Variants in TNKS2 observed in about 807,000 individuals in gnomAD.
The protein encoded by TNKS2 is tankyrase 2.
A neutral mutation model predicts 137.6 loss-of-function variants in TNKS2; 72 were observed. The observed-to-expected ratio is 0.52, with a 90% CI of 0.43 to 0.64. The LOEUF is 0.64. Among genes scored for constraint, TNKS2 ranks in the 30% least tolerant of loss-of-function variants. The pLI is 0.00. For missense variants in TNKS2, 1,049 were observed against 1,410.2 expected (o/e 0.74, Z 4.10); for synonymous variants, 516 against 512.1 (o/e 1.01, Z -0.10).
At position 91,842,272 on chromosome 10, in the gene TNKS2, C is replaced by A; in HGVS notation, c.1940C>A (p.Ala647Glu). Residue 647 changes from alanine (A) to glutamate (E), a missense_variant, in exon 16 of 27, where the codon GCA (alanine) becomes GAA (glutamate). By Grantham distance (107) the Ala-to-Glu change is moderately radical. Around this residue, in one of 6 missense-constraint regions of TNKS2, gnomAD observed 328 missense variants for 436.0 expected, o/e 0.75. Coordinates refer to ENST00000371627, the MANE Select transcript of TNKS2 (RefSeq NM_025235.4). ...ATTCAAGATCTGCTTAGGGGAGATGCAGCTTTGCTAGATGCTGCCAAGAAG... is the reference window on the plus strand; with the variant it reads ...ATTCAAGATCTGCTTAGGGGAGATGAAGCTTTGCTAGATGCTGCCAAGAAG... ...TDIQDLLRGD[A>E]ALLDAAKKGC... 6.2e-7 allele frequency: 1 copy of A among 1,613,940 alleles called. No homozygotes were observed.
intron 2 of TNKS2, among the ~76,000 whole-genome samples, chr10:91,816,147 A>G (rs533059461): frequency 1.6e-3 from 245 of 151,888 alleles, no homozygotes; most frequent in African/African-American, 5.8e-3. Context: ...AGGGGGTTTC[A>G]CCATGTTAGC....
Position 91,842,330 on chromosome 10 carries a change from TC to T in TNKS2, c.2000del (p.Pro667LeufsTer4). The T allele has an allele frequency of 2.5e-6, 4 of 1,614,150 alleles. No homozygotes were observed. Among genetic ancestry groups the T allele is most frequent in the Non-Finnish European group, 3.4e-6 (4 of 1,179,994 alleles). On this transcript the variant is annotated frameshift_variant, in exon 16 of 27. Transcript: ENST00000371627. LOFTEE classifies it high-confidence loss of function. ...TAGCCAGAGTGAAGAAGTTGTCTTC[TC>T]CTGATAATGTAAATTGCCGCGATAC... The part of the protein sequence containing the change: ...CLARVKKLSS[P>X]DNVNCRDTQG...
chr10:91,840,702 A>T lies in TNKS2; in HGVS notation c.1669A>T (p.Lys557Ter). 6.2e-7 allele frequency: 1 copy of T among 1,612,802 alleles called. No homozygotes were observed. Among genetic ancestry groups the T allele is most frequent in the Non-Finnish European group, 8.5e-7 (1 of 1,179,464 alleles). ...QHGADVHAKDKGGLVPLHNAC... is the reference protein window; with the variant it reads ...QHGADVHAKD ...TGGAGCTGATGTGCATGCTAAAGAT[A>T]AAGGGTAAATGCCAATGATTGTTAT... is the stretch of plus-strand genomic sequence containing the variant. Residue 557 changes from lysine to a stop codon, truncating the protein, a stop_gained, in exon 14 of 27, where the codon AAA (lysine) becomes TAA (stop). Transcript: ENST00000371627. LOFTEE classifies it high-confidence loss of function.
At position 91,862,893 on chromosome 10, in the gene TNKS2, A is replaced by G. The variant is rs753316204; in HGVS notation, c.3439-44A>G. The G allele has an allele frequency of 3.5e-6, 5 of 1,444,206 alleles. No individual in the cohort carries two copies. In the African/African-American group the frequency reaches 7.0e-5, roughly 20 times the overall value. The allele number at this position is 1,444,206 out of a possible 1,614,324, so 89.5% of individuals were successfully genotyped here. ...TTCCGGAAAGTCTGTTTATCTTTCA[A>G]GAAAATTTTTGTACCATTATTTGAA... is the stretch of plus-strand genomic sequence containing the variant. On this transcript the variant is annotated intron_variant, in intron 26 of 26. Coordinates refer to ENST00000371627, the MANE Select transcript of TNKS2 (RefSeq NM_025235.4).
chr10:91,833,078 A>T (rs143235469), intron 11 of TNKS2, among the ~76,000 whole-genome samples: 2 of 152,328 alleles, frequency 1.3e-5, no homozygotes, highest in African/African-American at 4.8e-5. Flanking sequence ...GTGCAGTGAA[A>T]TGCAGAGATC....
At chr10:91,811,709 T>C (rs990128353) in intron 1 of TNKS2, among the ~76,000 whole-genome samples, 1 of 150,876 alleles carries the variant, frequency 6.6e-6, no homozygotes, top group Non-Finnish European at 1.5e-5. Flanking sequence ...TACTTTCTTA[T>C]CTGTTCTCAT....
chr10:91,807,402 G>A, intron 1 of TNKS2: 2 of 1,614,084 alleles, frequency 1.2e-6, no homozygotes, highest in Non-Finnish European at 1.7e-6. Context: ...CTTCTCGGCA[G>A]CGCGGCTGAA....
Position 91,841,322 on chromosome 10 carries a change from T to C in TNKS2, c.1713T>C (p.His571=). 1 of 1,601,748 alleles carries C rather than the reference T, an allele frequency of 6.2e-7. No individual in the cohort carries two copies. Among genetic ancestry groups the C allele is most frequent in the African/African-American group, 1.3e-5 (1 of 74,412 alleles). The change falls in exon 15 of 27, where the codon CAT becomes CAC. Residue 571 remains histidine, a synonymous_variant. Transcript: ENST00000371627. ...TGCACAATGCATGTTCTTATGGACA[T>C]TATGAAGTTGCAGAACTTCTTGTTA... ...VPLHNACSYG[H]YEVAELLVKH...
intron 23 of TNKS2, 108 bp downstream of exon 23, chr10:91,855,796 C>A: frequency 1.5e-6 from 1 of 681,484 alleles, no homozygotes; most frequent in Non-Finnish European, 2.4e-6. Context: ...AAGTCCTTGA[C>A]TTGGCATCAG....
At position 91,827,049 on chromosome 10, in the gene TNKS2, G is replaced by C; in HGVS notation, c.828G>C (p.Trp276Cys). Residue 276 changes from tryptophan (W) to cysteine (C), a missense_variant, in exon 8 of 27, where the codon TGG becomes TGC. Around this residue, in one of 6 missense-constraint regions of TNKS2, gnomAD observed 374 missense variants for 460.8 expected, o/e 0.81. Coordinates refer to ENST00000371627, the MANE Select transcript of TNKS2 (RefSeq NM_025235.4). ...CCTGTGTAAATGCAATGGACTTGTG[G>C]CAATTCACTCCTCTTCATGAGGCAG... ...HGACVNAMDL[W>C]QFTPLHEAAS... The C allele has an allele frequency of 6.3e-7, 1 of 1,595,410 alleles. No individual in the cohort carries two copies. The highest frequency in any genetic ancestry group is 8.5e-7 in the Non-Finnish European group (1 of 1,172,122).
chr10:91,798,980 C>T lies in TNKS2; in HGVS notation c.199+91C>T, dbSNP rs1164440480. 5.5e-6 allele frequency: 7 copies of T among 1,261,502 alleles called. No individual in the cohort carries two copies. In the African/African-American group the frequency reaches 9.3e-5, roughly 17 times the overall value. The allele number at this position is 1,261,502 out of a possible 1,614,324, so 78.1% of individuals were successfully genotyped here. A position where few individuals can be genotyped will look rare whatever the true frequency, so the allele number is the denominator to read the frequency against. On this transcript the variant is annotated intron_variant, in intron 1 of 26. Transcript: ENST00000371627. ...CTGAAACCAGTGCTCCTCCGCCTCC[C>T]GACCTTTCTCCAGGACTCTGGTCCT...
intron 2 of TNKS2, among the ~76,000 whole-genome samples, chr10:91,816,278 T>A (rs1844695423): frequency 6.6e-6 from 1 of 152,172 alleles, no homozygotes; most frequent in Non-Finnish European, 1.5e-5. Context: ...CCTTGAATTA[T>A]AATGTAGTAG....
intron 22 of TNKS2, among the ~76,000 whole-genome samples, chr10:91,855,408 G>T (rs61874727): frequency 1.2e-4 from 18 of 152,036 alleles, no homozygotes; most frequent in Non-Finnish European, 2.1e-4. Context: ...GGCTGGTCTT[G>T]AACTCCTGAG....
At chr10:91,833,808 A>C (rs779749043) in intron 11 of TNKS2, 45 bp from the exon 12 acceptor site, 7 of 1,477,288 alleles carry the variant, frequency 4.7e-6, no homozygotes, top group Non-Finnish European at 5.4e-6. Context: ...TATGGTTTTA[A>C]ATTTTGCATT....
intron 18 of TNKS2, among the ~76,000 whole-genome samples, chr10:91,848,043 C>T (rs913478024): frequency 3.3e-5 from 5 of 152,160 alleles, no homozygotes; most frequent in African/African-American, 1.2e-4. Context: ...TGCTTAGAAC[C>T]AGATGTGTTT....
At position 91,851,245 on chromosome 10, in the gene TNKS2, G is replaced by A. The variant is rs769589810; in HGVS notation, c.2724G>A (p.Gly908=). ...QITLDVLVEM[G]HKELKEIGIN... ...CTTTGGATGTATTAGTTGAGATGGGGCACAAGGAGCTGAAGGAGATTGGAA... is the reference window on the plus strand; with the variant it reads ...CTTTGGATGTATTAGTTGAGATGGGACACAAGGAGCTGAAGGAGATTGGAA... The change falls in exon 21 of 27, where the codon GGG becomes GGA. Residue 908 remains glycine (G), a synonymous_variant. Transcript: ENST00000371627. The A allele has an allele frequency of 2.5e-6, 4 of 1,613,502 alleles. No individual in the cohort carries two copies. The East Asian group carries it at 6.7e-5, about 27-fold the overall frequency.
intron 17 of TNKS2, among the ~76,000 whole-genome samples, chr10:91,845,382 A>G (rs909755416): frequency 2.0e-5 from 3 of 152,230 alleles, no homozygotes; most frequent in Admixed American, 1.3e-4. Flanking sequence ...TCATAGTCCA[A>G]TGTGACATTC....
intron 1 of TNKS2, among the ~76,000 whole-genome samples, chr10:91,799,593 A>C (rs1844093377): frequency 6.6e-6 from 1 of 152,206 alleles, no homozygotes. Context: ...GTTGGGACTA[A>C]CCTTGCTTCA....
chr10:91,835,723 G>A (rs1384184353), intron 12 of TNKS2, among the ~76,000 whole-genome samples: 1 of 150,750 alleles, frequency 6.6e-6, no homozygotes. Context: ...TGCCTCCCAG[G>A]TTCAAGTGAT....
Sources: allele counts gnomAD v4.1 joint callset (sites outside exome capture counted in the v4.1 genomes callset), GRCh38; gene constraint gnomAD v4.1.1; regional missense constraint gnomAD v4.1.1; transcripts MANE v1.5; gene names NCBI Gene and HGNC (gene_info 2026-07-23, HGNC 2026-07-21).